ZNF442: variants seen among roughly 807,000 people sequenced by gnomAD.
ZNF442 encodes zinc finger protein 442.
ZNF442 carries 45 observed loss-of-function variants against 57.0 expected under a neutral mutation model. The observed-to-expected ratio is 0.79, with a 90% CI of 0.62 to 1.01. The LOEUF (loss-of-function observed/expected upper bound fraction) is 1.01. Ranked by LOEUF, ZNF442 falls within the 50% of genes least tolerant of loss-of-function variation. The pLI, the probability that ZNF442 is intolerant of heterozygous loss-of-function variation, is 0.00. For missense variants in ZNF442, 690 were observed against 756.5 expected (o/e 0.91, Z 1.03); for synonymous variants, 213 against 241.8 (o/e 0.88, Z 1.10).
chr19:12,367,722 G>T (rs1314032442), upstream of ZNF442, among the ~76,000 whole-genome samples: 2 of 152,028 alleles, frequency 1.3e-5, no homozygotes, highest in African/African-American at 4.8e-5. Flanking sequence ...AGGCTGGAGT[G>T]CAGTGGCACA....
At chr19:12,353,354 GA>G (rs1280967639) in intron 3 of ZNF442, among the ~76,000 whole-genome samples, 2 of 152,174 alleles carry the variant, frequency 1.3e-5, no homozygotes, top group Admixed American at 6.5e-5. Context: ...TGACTTAAAT[GA>G]GTGAATTTTA....
At chr19:12,368,507 G>A (rs144231488), upstream of ZNF442, among the ~76,000 whole-genome samples, 755 of 152,244 alleles carry the variant, frequency 5.0e-3, 17 homozygotes, top group African/African-American at 0.017. Flanking sequence ...CTTAGTTCCC[G>A]CAACAGACTA....
chr19:12,373,608 C>T, the ZNF442 span: 3 of 230,760 alleles, frequency 1.3e-5, no homozygotes, highest in South Asian at 5.9e-5. Context: ...CTGGAGACAC[C>T]GGTTCTCACT....
chr19:12,371,544 G>A, the ZNF442 span, among the ~76,000 whole-genome samples: 1 of 152,160 alleles, frequency 6.6e-6, no homozygotes, highest in Non-Finnish European at 1.5e-5. Flanking sequence ...TCATTACTGT[G>A]TTGATTTAAA....
At chr19:12,368,902 A>G (rs1036303276), upstream of ZNF442, among the ~76,000 whole-genome samples, 15 of 152,148 alleles carry the variant, frequency 9.9e-5, no homozygotes, top group African/African-American at 3.6e-4. Context: ...AGGGAGCTCA[A>G]CTTGCCCTCC....
chr19:12,371,337 CTG>C, the ZNF442 span, among the ~76,000 whole-genome samples: 12 of 152,240 alleles, frequency 7.9e-5, no homozygotes, highest in African/African-American at 2.6e-4. Context: ...TATCACAAGA[CTG>C]TTCTCTCTCT....
intron 3 of ZNF442, among the ~76,000 whole-genome samples, chr19:12,354,703 T>A (rs1969297069): frequency 6.6e-6 from 1 of 152,192 alleles, no homozygotes; most frequent in African/African-American, 2.4e-5. Context: ...CCTGAGTAGC[T>A]GGGATTACAG....
At position 12,346,741 on chromosome 19, in the gene ZNF442, A is replaced by G. The variant is rs974398175; in HGVS notation, c.*2960T>C. ...TGGATAAACAAAGTATGCTTTAACC[A>G]TACAGTGGAAATTTATTCAGACACA... On this transcript the variant is annotated 3_prime_UTR_variant, in exon 6 of 6. Transcript: ENST00000242804. 1.3e-5 allele frequency: 2 copies of G among 152,236 alleles called. No homozygotes were observed. The highest frequency in any genetic ancestry group is 1.3e-4 in the Admixed American group (2 of 15,274). 9.4% of individuals were successfully genotyped at this position (152,236 alleles called of 1,614,324 possible).
chr19:12,363,811 C>T, intron 2 of ZNF442, 140 bp from the exon 3 acceptor site: 1 of 607,228 alleles, frequency 1.6e-6, no homozygotes, highest in East Asian at 2.8e-5. Context: ...AGGCTGCTCA[C>T]TGGGAGAAAT....
In ZNF442 at chr19:12,351,187, T is replaced by A. The variant is rs779226521; in HGVS notation, c.398A>T (p.Tyr133Phe). The A allele has an allele frequency of 6.2e-7, 1 of 1,614,192 alleles. No individual in the cohort carries two copies. The change falls in exon 6 of 6, where the codon TAT becomes TTT. Residue 133 changes from tyrosine to phenylalanine, a missense_variant. Coordinates refer to ENST00000242804, the MANE Select transcript of ZNF442 (RefSeq NM_030824.3). ...TTTGTGTCCAGCATCAAATGTGATA[T>A]AGCAATTAAGGAATGAACAACCCAT... is the stretch of plus-strand genomic sequence containing the variant. ...EIMGCSFLNC[Y>F]ITFDAGHKPD...
the ZNF442 span, among the ~76,000 whole-genome samples, chr19:12,372,940 A>AT: frequency 6.6e-6 from 1 of 152,076 alleles, no homozygotes; most frequent in Non-Finnish European, 1.5e-5. Flanking sequence ...TGCCCAGCTA[A>AT]TTTTTGTATT....
rs1568492573 is a variant in ZNF442, at chr19:12,365,646, A to C, written c.-596T>G. ...CTGCCAGGGCTTCTCTCAGCTACAGAGCCAGGAGCGGGAGCTCAGAGGGGT... is the reference window on the plus strand; with the variant it reads ...CTGCCAGGGCTTCTCTCAGCTACAGCGCCAGGAGCGGGAGCTCAGAGGGGT... On this transcript the variant is annotated 5_prime_UTR_variant, in exon 1 of 6. Coordinates refer to ENST00000242804, the MANE Select transcript of ZNF442 (RefSeq NM_030824.3). 1 of 234,610 alleles carries C rather than the reference A, an allele frequency of 4.3e-6. No homozygotes were observed. The highest frequency in any genetic ancestry group is 8.7e-6 in the Non-Finnish European group (1 of 115,100). 14.5% of individuals were successfully genotyped at this position (234,610 alleles called of 1,614,324 possible). A position where few individuals can be genotyped will look rare whatever the true frequency, so the allele number is the denominator to read the frequency against.
intron 3 of ZNF442, among the ~76,000 whole-genome samples, chr19:12,355,135 C>CA (rs1243071923): frequency 2.0e-5 from 3 of 151,396 alleles, no homozygotes; most frequent in Admixed American, 2.0e-4. Context: ...AATAAAAATA[C>CA]AAAAAACTAG....
intron 3 of ZNF442, among the ~76,000 whole-genome samples, chr19:12,357,066 G>A (rs1424370023): frequency 6.6e-6 from 1 of 152,198 alleles, no homozygotes; most frequent in Non-Finnish European, 1.5e-5. Context: ...CACAGCCTCA[G>A]ACAACAGCGT....
At chr19:12,354,122 C>T (rs1392187615) in intron 3 of ZNF442, among the ~76,000 whole-genome samples, 1 of 152,202 alleles carries the variant, frequency 6.6e-6, no homozygotes, top group Non-Finnish European at 1.5e-5. Flanking sequence ...AAGAAACACT[C>T]TGGGCACTGA....
chr19:12,365,481 G>A, intron 1 of ZNF442, 52 bp downstream of exon 1: 2 of 476,248 alleles, frequency 4.2e-6, no homozygotes, highest in Admixed American at 3.5e-5. Context: ...GTTCTGGCCG[G>A]TTCCAACCAG....
intron 3 of ZNF442, among the ~76,000 whole-genome samples, chr19:12,357,349 CTTTTTTTTTTTTT>C (rs5827145): frequency 2.1e-5 from 2 of 95,368 alleles, no homozygotes; most frequent in Admixed American, 1.3e-4. Context: ...CTTTTTCTTT[CTTTTTTTTTTTTT>C]TTTTTTTTGG....
upstream of ZNF442, among the ~76,000 whole-genome samples, chr19:12,368,558 C>T (rs150615546): frequency 1.1e-4 from 16 of 152,260 alleles, no homozygotes; most frequent in African/African-American, 3.4e-4. Flanking sequence ...GCAGGATCCA[C>T]GACGGAGAAG....
upstream of ZNF442, among the ~76,000 whole-genome samples, chr19:12,370,126 T>C (rs1969568947): frequency 6.6e-6 from 1 of 151,728 alleles, no homozygotes; most frequent in South Asian, 2.1e-4. Flanking sequence ...TATTACATTG[T>C]AATATATAAT....
Sources: allele counts gnomAD v4.1 joint callset (sites outside exome capture counted in the v4.1 genomes callset), GRCh38; gene constraint gnomAD v4.1.1; transcripts MANE v1.5; gene names NCBI Gene and HGNC (gene_info 2026-07-23, HGNC 2026-07-21).